HIF1A: variants seen among roughly 807,000 people sequenced by gnomAD.
HIF1A encodes the protein hypoxia-inducible factor 1-alpha.
A neutral mutation model predicts 92.7 loss-of-function variants in HIF1A; 24 were observed. The observed-to-expected ratio is 0.26, with a 90% CI of 0.19 to 0.36. HIF1A has a LOEUF of 0.36. Among genes scored for constraint, HIF1A ranks in the 10% least tolerant of loss-of-function variants. HIF1A has a pLI of 1.00. For synonymous variants in HIF1A, 319 were observed against 338.7 expected (o/e 0.94, Z 0.64); for missense variants, 799 against 998.5 (o/e 0.80, Z 2.69).
In HIF1A at chr14:61,744,814, G is replaced by T; in HGVS notation, c.2202+1G>T. ...TTCACTTTTTCAAGCAGTAGGAATTGTAAGTATGAGTAGTAGGTTTTGCTT... is the reference window on the plus strand; with the variant it reads ...TTCACTTTTTCAAGCAGTAGGAATTTTAAGTATGAGTAGTAGGTTTTGCTT... On this transcript the variant is annotated splice_donor_variant, in intron 13 of 14. Transcript: ENST00000337138. LOFTEE classifies it high-confidence loss of function. 7.0e-7 allele frequency: 1 copy of T among 1,435,874 alleles called. No homozygotes were observed. The highest frequency in any genetic ancestry group is 9.8e-7 in the Non-Finnish European group (1 of 1,022,408). 88.9% of individuals were successfully genotyped at this position (1,435,874 alleles called of 1,614,324 possible).
At chr14:61,704,842 G>T (rs2044219882) in intron 1 of HIF1A, among the ~76,000 whole-genome samples, 1 of 152,114 alleles carries the variant, frequency 6.6e-6, no homozygotes, top group Non-Finnish European at 1.5e-5. Flanking sequence ...ATCGTTGATG[G>T]CTTAGGCCAC....
intron 1 of HIF1A, among the ~76,000 whole-genome samples, chr14:61,718,520 G>C (rs2044388768): frequency 2.0e-5 from 3 of 152,118 alleles, no homozygotes; most frequent in African/African-American, 7.2e-5. Context: ...GTATGCTGGA[G>C]TTATTATCAT....
At chr14:61,703,788 A>T (rs1355262067) in intron 1 of HIF1A, among the ~76,000 whole-genome samples, 1 of 152,006 alleles carries the variant, frequency 6.6e-6, no homozygotes, top group East Asian at 1.9e-4. Flanking sequence ...GTAGAATATT[A>T]TCTTACTATA....
chr14:61,716,999 G>C (rs973933442), intron 1 of HIF1A: 1 of 152,152 alleles, frequency 6.6e-6, no homozygotes. Flanking sequence ...ATCAGCAGAA[G>C]AACTTCACTT....
chr14:61,729,669 G>T (rs1566571657), intron 6 of HIF1A, among the ~76,000 whole-genome samples: 1 of 151,996 alleles, frequency 6.6e-6, no homozygotes, highest in South Asian at 2.1e-4. Context: ...CCTATTTTGA[G>T]GAATTATTTT....
chr14:61,744,646 C>T (rs1594889722), intron 12 of HIF1A, 59 bp from the exon 13 acceptor site: 1 of 666,594 alleles, frequency 1.5e-6, no homozygotes, highest in African/African-American at 1.9e-5. Context: ...TTTAAAAGCG[C>T]TCACTGGATA....
chr14:61,716,930 C>T (rs1212675201), intron 1 of HIF1A: 1 of 152,166 alleles, frequency 6.6e-6, no homozygotes, highest in Non-Finnish European at 1.5e-5. Context: ...AATGGGTAAA[C>T]AAACTGTTTT....
intron 4 of HIF1A, among the ~76,000 whole-genome samples, chr14:61,726,199 C>T (rs1398933194): frequency 2.6e-5 from 4 of 151,620 alleles, no homozygotes; most frequent in Non-Finnish European, 5.9e-5. Flanking sequence ...AATTTTCTGC[C>T]TGCTTTACTA....
At chr14:61,728,615 TC>T (rs1252839120) in intron 6 of HIF1A, among the ~76,000 whole-genome samples, 7 of 152,350 alleles carry the variant, frequency 4.6e-5, no homozygotes, top group African/African-American at 1.7e-4. Context: ...TCTTTTACAT[TC>T]ATTGGCTACA....
chr14:61,745,860 T>C (rs765374465), intron 14 of HIF1A, 43 bp downstream of exon 14: 1 of 1,494,710 alleles, frequency 6.7e-7, no homozygotes, highest in South Asian at 1.2e-5. Context: ...AAAGACAAAA[T>C]ACATGAAACA....
At chr14:61,742,834 G>A (rs2044729397) in intron 12 of HIF1A, among the ~76,000 whole-genome samples, 2 of 138,166 alleles carry the variant, frequency 1.4e-5, no homozygotes, top group African/African-American at 5.4e-5. Context: ...GCAGTGAGCC[G>A]AGATCGTGCC....
intron 8 of HIF1A, among the ~76,000 whole-genome samples, chr14:61,736,604 T>G (rs2044641072): frequency 6.6e-6 from 1 of 152,248 alleles, no homozygotes; most frequent in African/African-American, 2.4e-5. Flanking sequence ...CTGGGTTATC[T>G]CACTTAGGAT....
intron 1 of HIF1A, among the ~76,000 whole-genome samples, 171 bp downstream of exon 1, chr14:61,696,010 C>G (rs553774297): frequency 6.6e-6 from 1 of 152,368 alleles, no homozygotes; most frequent in African/African-American, 2.4e-5. Flanking sequence ...CCGGGCTCCC[C>G]CGCTGTCCAC....
At position 61,720,481 on chromosome 14, in the gene HIF1A, A is replaced by G. The variant is rs1486642370; in HGVS notation, c.135A>G (p.Pro45=). 1 of 1,613,602 alleles carries G rather than the reference A, an allele frequency of 6.2e-7. No individual in the cohort carries two copies. Among genetic ancestry groups the G allele is most frequent in the Non-Finnish European group, 8.5e-7 (1 of 1,179,764 alleles). ...EVFYELAHQL[P]LPHNVSSHLD... ...TTTATGAGCTTGCTCATCAGTTGCC[A>G]CTTCCACATAATGTGAGTTCGCATC... The change falls in exon 2 of 15, where the codon CCA becomes CCG. Residue 45 remains proline (P), a synonymous_variant. Transcript: ENST00000337138.
intron 12 of HIF1A, among the ~76,000 whole-genome samples, chr14:61,742,030 C>T (rs1055435732): frequency 2.0e-5 from 3 of 151,916 alleles, no homozygotes; most frequent in Admixed American, 6.6e-5. Context: ...TTTTTCATTA[C>T]GTATTTGTAG....
intron 14 of HIF1A, 57 bp downstream of exon 14, chr14:61,745,874 T>C: frequency 7.0e-7 from 1 of 1,422,314 alleles, no homozygotes; most frequent in South Asian, 1.2e-5. Flanking sequence ...TGAAACATTT[T>C]TATTTAGGAG....
At chr14:61,743,799 G>A (rs556803727) in intron 12 of HIF1A, among the ~76,000 whole-genome samples, 44 of 152,296 alleles carry the variant, frequency 2.9e-4, no homozygotes, top group African/African-American at 1.1e-3. Flanking sequence ...CATAGTTCAT[G>A]TTTGATAACC....
chr14:61,736,591 T>C (rs981151022), intron 8 of HIF1A, among the ~76,000 whole-genome samples: 1 of 152,224 alleles, frequency 6.6e-6, no homozygotes, highest in Non-Finnish European at 1.5e-5. Flanking sequence ...TGGTTTTCTG[T>C]TCCTGGGTTA....
At chr14:61,719,259 CTATT>C (rs2044398643) in intron 1 of HIF1A, among the ~76,000 whole-genome samples, 1 of 152,130 alleles carries the variant, frequency 6.6e-6, no homozygotes, top group Non-Finnish European at 1.5e-5. Flanking sequence ...GGTGAAGAAT[CTATT>C]TAACAGGAGT....
Sources: allele counts gnomAD v4.1 joint callset (sites outside exome capture counted in the v4.1 genomes callset), GRCh38; gene constraint gnomAD v4.1.1; transcripts MANE v1.5; gene names NCBI Gene and HGNC (gene_info 2026-07-23, HGNC 2026-07-21).